Variants in ALK observed in about 807,000 individuals in gnomAD.
The protein encoded by ALK is ALK tyrosine kinase receptor.
Under a neutral mutation model 163.1 loss-of-function variants are expected in ALK, and 74 were observed. The observed-to-expected ratio is 0.45, with a 90% CI of 0.38 to 0.55. The LOEUF (loss-of-function observed/expected upper bound fraction) is 0.55. Among genes scored for constraint, ALK ranks in the 20% least tolerant of loss-of-function variants. The pLI, the probability that ALK is intolerant of heterozygous loss-of-function variation, is 0.00. For missense variants in ALK, 2,063 were observed against 2,105.3 expected (o/e 0.98, Z 0.39); for synonymous variants, 960 against 843.2 (o/e 1.14, Z -2.40).
chr2:29,630,156 G>A (rs1395093116), intron 3 of ALK, among the ~76,000 whole-genome samples: 1 of 152,170 alleles, frequency 6.6e-6, no homozygotes, highest in Non-Finnish European at 1.5e-5. Context: ...AGGAGGTGAG[G>A]TAGAAGGACA....
At chr2:29,278,533 G>A (rs895628837) in intron 9 of ALK, among the ~76,000 whole-genome samples, 1 of 152,144 alleles carries the variant, frequency 6.6e-6, no homozygotes, top group African/African-American at 2.4e-5. Context: ...TTATAGCCAC[G>A]ATTTCCGTGG....
chr2:29,297,091 T>TG (rs1666210287), intron 8 of ALK, 34 bp from the exon 9 acceptor site: 5 of 1,613,910 alleles, frequency 3.1e-6, no homozygotes, highest in Non-Finnish European at 4.2e-6. Context: ...GGACAAGGTA[T>TG]GATTGCTGAA....
chr2:29,663,081 C>T (rs1026260031), intron 3 of ALK, among the ~76,000 whole-genome samples: 8 of 152,134 alleles, frequency 5.3e-5, no homozygotes, highest in African/African-American at 1.4e-4. Flanking sequence ...CTAAACAACA[C>T]GGTCTTCCCA....
At chr2:29,809,581 C>G (rs1024121611) in intron 1 of ALK, among the ~76,000 whole-genome samples, 1 of 152,192 alleles carries the variant, frequency 6.6e-6, no homozygotes, top group Non-Finnish European at 1.5e-5. Flanking sequence ...GGCTGCCTGG[C>G]ACCTTGCTTC....
chr2:29,762,859 C>T (rs527643271), intron 1 of ALK, among the ~76,000 whole-genome samples: 10 of 151,982 alleles, frequency 6.6e-5, no homozygotes, highest in Non-Finnish European at 1.2e-4. Flanking sequence ...GAGGCCGAGG[C>T]GGGCGGATCA....
At chr2:29,357,497 T>C (rs1668280735) in intron 5 of ALK, among the ~76,000 whole-genome samples, 1 of 152,230 alleles carries the variant, frequency 6.6e-6, no homozygotes, top group Admixed American at 6.5e-5. Flanking sequence ...AGTTATATTA[T>C]TCCTGAAATC....
intron 1 of ALK, among the ~76,000 whole-genome samples, chr2:29,828,141 C>A (rs978888515): frequency 1.1e-4 from 17 of 152,186 alleles, no homozygotes; most frequent in African/African-American, 3.1e-4. Flanking sequence ...TGGATCCCTT[C>A]CTTACACCTT....
chr2:29,540,108 CAAAT>C (rs1673372959), intron 3 of ALK, among the ~76,000 whole-genome samples: 1 of 152,082 alleles, frequency 6.6e-6, no homozygotes, highest in South Asian at 2.1e-4. Context: ...GGTATATTTT[CAAAT>C]ATGATCAGAC....
chr2:29,242,789 G>T (rs541615849), intron 12 of ALK, among the ~76,000 whole-genome samples: 11 of 152,322 alleles, frequency 7.2e-5, no homozygotes, highest in Non-Finnish European at 1.6e-4. Flanking sequence ...AAAGCACAAG[G>T]CGAGACCCGG....
At chr2:29,264,137 C>G (rs1665154834) in intron 11 of ALK, among the ~76,000 whole-genome samples, 1 of 152,226 alleles carries the variant, frequency 6.6e-6, no homozygotes, top group African/African-American at 2.4e-5. Context: ...ACTCCCCCGG[C>G]CCAGTCTGGT....
At chr2:29,533,352 T>G (rs1389316345) in intron 3 of ALK, among the ~76,000 whole-genome samples, 3 of 152,198 alleles carry the variant, frequency 2.0e-5, no homozygotes, top group Non-Finnish European at 4.4e-5. Flanking sequence ...GACAAAGAAT[T>G]GGGAAGATCA....
intron 3 of ALK, among the ~76,000 whole-genome samples, chr2:29,552,756 T>C (rs1228286093): frequency 6.6e-6 from 1 of 152,232 alleles, no homozygotes; most frequent in African/African-American, 2.4e-5. Context: ...GTGACTTTTG[T>C]GCAGAATTTT....
Position 29,227,054 on chromosome 2 carries a change from CT to C in ALK, c.2934del (p.Val979Ter). 2 of 1,614,200 alleles carry C rather than the reference CT, an allele frequency of 1.2e-6. No individual in the cohort carries two copies. The highest frequency in any genetic ancestry group is 1.7e-6 in the Non-Finnish European group (2 of 1,180,042). On this transcript the variant is annotated frameshift_variant, in exon 18 of 29. Coordinates refer to ENST00000389048, the MANE Select transcript of ALK (RefSeq NM_004304.5). LOFTEE classifies it high-confidence loss of function. This position sits in a 1 kb window ranked among gnomAD's most constrained non-coding sequence, Gnocchi z 4.4. ...CAGTTTAGATAATGCTTAATATTCA[CT>C]TCCCCGTGGCCTTCCATCACTAGTG... ...PALKVMEGHG[E>X]VNIKHYLNCS...
chr2:29,447,079 C>T (rs1179194212), intron 4 of ALK, among the ~76,000 whole-genome samples: 2 of 152,186 alleles, frequency 1.3e-5, no homozygotes, highest in African/African-American at 4.8e-5. Context: ...GGCAATGTGG[C>T]CACCAGAGTC....
chr2:29,824,477 G>A (rs895845795), intron 1 of ALK, among the ~76,000 whole-genome samples: 2 of 152,254 alleles, frequency 1.3e-5, no homozygotes, highest in African/African-American at 2.4e-5. Flanking sequence ...AGGCAGCTGG[G>A]AGGGGGCCTG....
In ALK at chr2:29,585,585, C is replaced by T. The variant is rs527844679; in HGVS notation, c.953-53469G>A. Among the ~76,000 whole-genome samples, 165 of 152,276 alleles carry T rather than the reference C, an allele frequency of 1.1e-3. 1 individual carries two copies. Among genetic ancestry groups the T allele is most frequent in the African/African-American group, 3.8e-3 (159 of 41,540 alleles). ...TCAGGTGATCCACCTGCCTCGGCCT[C>T]CCAAGGTGCTGAGATCACCCGCGTG... On this transcript the variant is annotated intron_variant, in intron 3 of 28. Transcript: ENST00000389048.
intron 1 of ALK, among the ~76,000 whole-genome samples, chr2:29,762,980 A>G (rs59179478): frequency 0.015 from 2,206 of 151,566 alleles, 46 homozygotes; most frequent in African/African-American, 0.049. Flanking sequence ...CTATCTACTC[A>G]GGAGGCTGAG....
chr2:29,195,113 T>C (rs1668992140), intron 28 of ALK, among the ~76,000 whole-genome samples: 1 of 152,228 alleles, frequency 6.6e-6, no homozygotes, highest in Admixed American at 6.5e-5. Context: ...TAGTTCCCTC[T>C]GTGTTTTAGT....
intron 1 of ALK, among the ~76,000 whole-genome samples, chr2:29,781,658 A>T (rs1681334051): frequency 6.6e-6 from 1 of 152,134 alleles, no homozygotes; most frequent in African/African-American, 2.4e-5. Flanking sequence ...CATCTCCTAA[A>T]CCTGTGTCTG....
Sources: allele counts gnomAD v4.1 joint callset (sites outside exome capture counted in the v4.1 genomes callset), GRCh38; gene constraint gnomAD v4.1.1; non-coding constraint Gnocchi (gnomAD v3.1); transcripts MANE v1.5; gene names NCBI Gene and HGNC (gene_info 2026-07-23, HGNC 2026-07-21).